The following DCC variants were observed in gnomAD, a reference collection of about 807,000 sequenced individuals.
The protein encoded by DCC is DCC netrin 1 receptor, also known as netrin receptor DCC.
DCC carries 58 observed loss-of-function variants against 172.5 expected under a neutral mutation model. That is an observed-to-expected ratio of 0.34 (90% CI 0.27 to 0.42). The LOEUF (loss-of-function observed/expected upper bound fraction) is 0.42, where lower values mean the gene tolerates loss of function less well. Ranked by LOEUF, DCC falls within the 10% of genes least tolerant of loss-of-function variation. DCC has a pLI of 1.00. For missense variants in DCC, 1,740 were observed against 1,791.0 expected (o/e 0.97, Z 0.51); for synonymous variants, 709 against 644.5 (o/e 1.10, Z -1.52).
intron 15 of DCC, among the ~76,000 whole-genome samples, chr18:53,382,911 CTCAA>C (rs947459009): frequency 6.6e-6 from 1 of 151,966 alleles, no homozygotes; most frequent in Non-Finnish European, 1.5e-5. Context: ...ATGAAGAAAA[CTCAA>C]TCAGATCAAT....
intron 15 of DCC, among the ~76,000 whole-genome samples, chr18:53,369,442 CT>C (rs949746078): frequency 1.3e-5 from 2 of 151,734 alleles, no homozygotes; most frequent in African/African-American, 4.8e-5. Context: ...TAAAATTTTA[CT>C]TCTTTTTTTT....
At chr18:52,825,653 T>C (rs1170896209) in intron 2 of DCC, among the ~76,000 whole-genome samples, 2 of 151,576 alleles carry the variant, frequency 1.3e-5, no homozygotes. Flanking sequence ...CACTTCAGAC[T>C]AATGGAAAAT....
intron 1 of DCC, among the ~76,000 whole-genome samples, chr18:52,680,678 T>C (rs1056471284): frequency 6.6e-6 from 1 of 152,060 alleles, no homozygotes; most frequent in African/African-American, 2.4e-5. Flanking sequence ...ACCCAGTAAA[T>C]GTTGAATGAA....
chr18:52,646,898 C>T (rs2035029354), intron 1 of DCC, among the ~76,000 whole-genome samples: 1 of 152,174 alleles, frequency 6.6e-6, no homozygotes, highest in Non-Finnish European at 1.5e-5. Flanking sequence ...CTTGTAATCA[C>T]TTGGTCTTTT....
Position 52,819,353 on chromosome 18 carries a change from C to A in DCC, c.412+66979C>A, listed in dbSNP as rs532567244. Among the ~76,000 whole-genome samples, 29 of 152,248 alleles carry A rather than the reference C, an allele frequency of 1.9e-4. No homozygotes were observed. In the East Asian group the frequency reaches 5.4e-3, roughly 28 times the overall value. ...ATTTTCTCAATTATAAAGATTGTGC[C>A]TAAAAGTTTTTCTTAAAGTTTTGTT... is the stretch of plus-strand genomic sequence containing the variant. On this transcript the variant is annotated intron_variant, in intron 2 of 28. Transcript: ENST00000442544.
intron 12 of DCC, among the ~76,000 whole-genome samples, chr18:53,228,068 T>C (rs1006971897): frequency 1.2e-4 from 19 of 152,182 alleles, no homozygotes; most frequent in African/African-American, 3.1e-4. Context: ...TATATTTCCA[T>C]GTCCATGACT....
At chr18:52,741,602 C>T (rs958311805) in intron 1 of DCC, among the ~76,000 whole-genome samples, 2 of 152,170 alleles carry the variant, frequency 1.3e-5, no homozygotes, top group African/African-American at 4.8e-5. Context: ...TACTTTAAAA[C>T]ATAAATTGGA....
chr18:52,713,289 C>T (rs2099599371), intron 1 of DCC, among the ~76,000 whole-genome samples: 1 of 152,158 alleles, frequency 6.6e-6, no homozygotes, highest in South Asian at 2.1e-4. Context: ...GCAGACTGTG[C>T]AAAACAAGAC....
intron 26 of DCC, among the ~76,000 whole-genome samples, chr18:53,492,155 GA>G (rs1325667704): frequency 1.3e-5 from 2 of 150,648 alleles, no homozygotes; most frequent in Non-Finnish European, 1.5e-5. Context: ...TTTTTGATGG[GA>G]TTTTTTTTTA....
chr18:52,415,227 T>C (rs528847476), intron 1 of DCC, among the ~76,000 whole-genome samples: 1 of 152,344 alleles, frequency 6.6e-6, no homozygotes, highest in African/African-American at 2.4e-5. Context: ...AAATATCATC[T>C]GGCATAAAAA....
intron 1 of DCC, among the ~76,000 whole-genome samples, chr18:52,515,333 T>C (rs948029854): frequency 6.6e-6 from 1 of 151,514 alleles, no homozygotes; most frequent in South Asian, 2.1e-4. Flanking sequence ...GACGGCTGGG[T>C]GTGGTGGCTC....
rs1599107503 is a variant in DCC, at chr18:53,399,704, G to A, written c.2827+2258G>A. Among the ~76,000 whole-genome samples the A allele has an allele frequency of 1.7e-3, 2 of 1,192 alleles. 1 individual carries two copies. Among genetic ancestry groups the A allele is most frequent in the African/African-American group, 1.7e-3 (2 of 1,152 alleles). The allele number at this position is 1,192 out of a possible 152,430, so 0.8% of individuals were successfully genotyped here. A position where few individuals can be genotyped will look rare whatever the true frequency, so the allele number is the denominator to read the frequency against. ...CGGATCACGAGGTCAGGAGATCGAG[G>A]CCATCCCGGCTAAAACGGTGAAACC... On this transcript the variant is annotated intron_variant, in intron 18 of 28. Transcript: ENST00000442544.
chr18:53,428,716 TA>T lies in DCC; in HGVS notation c.3164-6427del, dbSNP rs1164518885. ...TAATGTATATTTTATATATTATATA[TA>T]TTTATATATATTATATTATATACTA... is the stretch of plus-strand genomic sequence containing the variant. On this transcript the variant is annotated intron_variant, in intron 21 of 28. Transcript: ENST00000442544. Among the ~76,000 whole-genome samples the T allele has an allele frequency of 3.6e-4, 22 of 61,610 alleles. 5 individuals carry two copies. The highest frequency in any genetic ancestry group is 5.4e-4 in the Non-Finnish European group (17 of 31,290). 40.4% of individuals were successfully genotyped at this position (61,610 alleles called of 152,430 possible).
At chr18:53,479,274 C>T (rs548882340) in intron 25 of DCC, among the ~76,000 whole-genome samples, 5 of 152,216 alleles carry the variant, frequency 3.3e-5, no homozygotes, top group South Asian at 2.1e-4. Flanking sequence ...TTTGAGTCTT[C>T]GATGACATAC....
intron 2 of DCC, among the ~76,000 whole-genome samples, chr18:52,880,975 C>A (rs2145404227): frequency 6.6e-6 from 1 of 152,162 alleles, no homozygotes; most frequent in Non-Finnish European, 1.5e-5. Flanking sequence ...ACTTTCCCAC[C>A]AACACTGTAG....
At chr18:53,353,776 T>A (rs181850850) in intron 15 of DCC, among the ~76,000 whole-genome samples, 10 of 152,356 alleles carry the variant, frequency 6.6e-5, no homozygotes, top group South Asian at 2.1e-4. Flanking sequence ...TCTTTTTTTT[T>A]ATTTTTATTA....
chr18:53,156,973 A>G (rs1013982136), intron 7 of DCC, among the ~76,000 whole-genome samples: 3 of 152,200 alleles, frequency 2.0e-5, no homozygotes, highest in African/African-American at 4.8e-5. Flanking sequence ...TCCTTTTACA[A>G]TATTGAATCA....
chr18:53,456,818 C>T (rs767365855), intron 23 of DCC, among the ~76,000 whole-genome samples: 2 of 152,128 alleles, frequency 1.3e-5, no homozygotes, highest in Non-Finnish European at 2.9e-5. Context: ...GAGCAGCAGT[C>T]GTGTCAAGAA....
At chr18:53,003,694 GGAGA>G (rs1321716563) in intron 5 of DCC, among the ~76,000 whole-genome samples, 192 of 152,128 alleles carry the variant, frequency 1.3e-3, no homozygotes, top group African/African-American at 4.1e-3. Context: ...GGGAGGAAAA[GGAGA>G]CTTTTCCTCC....
Sources: gnomAD v4.1 joint callset for allele counts (sites outside exome capture counted in the v4.1 genomes callset) on GRCh38, gnomAD v4.1.1 for gene constraint, MANE v1.5 for transcripts, NCBI Gene and HGNC (gene_info 2026-07-23, HGNC 2026-07-21) for gene names.